Variants in RHBDD1 observed in about 807,000 individuals in gnomAD.
RHBDD1 encodes the protein rhomboid domain containing 1.
Under a neutral mutation model 36.3 loss-of-function variants are expected in RHBDD1, and 38 were observed. The observed-to-expected ratio is 1.05, with a 90% CI of 0.81 to 1.37. RHBDD1 has a LOEUF of 1.37. RHBDD1 is among the 40% of genes most tolerant of loss of function. The pLI is 0.00. For missense variants in RHBDD1, 393 were observed against 377.6 expected, an observed-to-expected ratio of 1.04 and a Z score of -0.34; for synonymous variants, 151 against 136.5, an observed-to-expected ratio of 1.11 and a Z score of -0.74.
intron 8 of RHBDD1, among the ~76,000 whole-genome samples, chr2:226,925,272 T>C (rs1008064401): frequency 6.6e-6 from 1 of 152,246 alleles, no homozygotes; most frequent in South Asian, 2.1e-4. Flanking sequence ...CCAATATTTG[T>C]TTTTAAGTTA....
intron 8 of RHBDD1, among the ~76,000 whole-genome samples, chr2:226,946,839 A>T (rs1028462286): frequency 5.9e-5 from 9 of 152,184 alleles, no homozygotes; most frequent in African/African-American, 1.9e-4. Context: ...TCTGAAATGT[A>T]TGTATCCAGC....
the RHBDD1 span, among the ~76,000 whole-genome samples, chr2:226,818,993 T>A: frequency 5.9e-5 from 9 of 152,324 alleles, 1 homozygote; most frequent in Middle Eastern, 6.8e-3. Flanking sequence ...CCAGATCATT[T>A]CCCTGACACC....
chr2:226,995,243 C>G (rs1005078992), intron 8 of RHBDD1, among the ~76,000 whole-genome samples, 188 bp from the exon 9 acceptor site: 1 of 152,186 alleles, frequency 6.6e-6, no homozygotes, highest in African/African-American at 2.4e-5. Flanking sequence ...CTGAACCACT[C>G]TAAAAATATT....
At chr2:226,920,458 A>G (rs975746014) in intron 8 of RHBDD1, among the ~76,000 whole-genome samples, 10 of 152,042 alleles carry the variant, frequency 6.6e-5, no homozygotes, top group Non-Finnish European at 1.5e-4. Flanking sequence ...CATCTTTGTT[A>G]TATTCCACAT....
At chr2:226,981,545 T>C (rs1955757109) in intron 8 of RHBDD1, among the ~76,000 whole-genome samples, 1 of 145,280 alleles carries the variant, frequency 6.9e-6, no homozygotes, top group South Asian at 2.2e-4. Flanking sequence ...CACACATCCA[T>C]GCACTCATCC....
chr2:226,838,404 G>A (rs1219842541), intron 2 of RHBDD1, among the ~76,000 whole-genome samples: 1 of 152,122 alleles, frequency 6.6e-6, no homozygotes, highest in Non-Finnish European at 1.5e-5. Context: ...CGCTATCTGT[G>A]GTTTTAGGTC....
chr2:226,905,824 A>G (rs193128838), intron 5 of RHBDD1, among the ~76,000 whole-genome samples: 90 of 152,274 alleles, frequency 5.9e-4, no homozygotes, highest in Non-Finnish European at 9.3e-4. Flanking sequence ...TATGAGAGGC[A>G]TTACAAACGG....
At chr2:226,836,355 G>T (rs1940958269) in intron 1 of RHBDD1, among the ~76,000 whole-genome samples, 1 of 152,236 alleles carries the variant, frequency 6.6e-6, no homozygotes, top group Non-Finnish European at 1.5e-5. Context: ...CGGACCGCAC[G>T]GGAACGACGT....
chr2:226,844,229 C>G (rs551846329), intron 3 of RHBDD1, among the ~76,000 whole-genome samples: 2 of 152,316 alleles, frequency 1.3e-5, no homozygotes, highest in Non-Finnish European at 2.9e-5. Context: ...ACTTTGGTCA[C>G]TATCACCTTG....
At position 226,840,314 on chromosome 2, in the gene RHBDD1, C is replaced by T. The variant is rs115820435; in HGVS notation, c.-91+687C>T. 2.6e-3 allele frequency among the ~76,000 whole-genome samples: 401 copies of T among 152,274 alleles called. 2 individuals are homozygous for T. Among genetic ancestry groups the T allele is most frequent in the African/African-American group, 8.6e-3 (357 of 41,568 alleles). On this transcript the variant is annotated intron_variant, in intron 3 of 8. Transcript: ENST00000392062. ...ATGGGCAAGAGACCTTTGGGATCTACGTGATGGCCAACTAACAATGTGTGC... is the reference window on the plus strand; with the variant it reads ...ATGGGCAAGAGACCTTTGGGATCTATGTGATGGCCAACTAACAATGTGTGC...
chr2:226,871,926 A>G (rs778701485), intron 5 of RHBDD1, among the ~76,000 whole-genome samples: 33 of 152,206 alleles, frequency 2.2e-4, no homozygotes, highest in Non-Finnish European at 3.8e-4. Flanking sequence ...AGCAAGTACT[A>G]TATGAGGTGA....
chr2:226,844,827 T>C (rs1438566675), intron 3 of RHBDD1, among the ~76,000 whole-genome samples: 1 of 152,208 alleles, frequency 6.6e-6, no homozygotes, highest in African/African-American at 2.4e-5. Flanking sequence ...AAATCATAAA[T>C]GGTGATGGGT....
intron 8 of RHBDD1, among the ~76,000 whole-genome samples, chr2:226,928,523 A>G (rs1949814455): frequency 6.6e-6 from 1 of 152,138 alleles, no homozygotes; most frequent in Non-Finnish European, 1.5e-5. Context: ...AGGAAACTTT[A>G]TAGGGCTAAA....
the RHBDD1 span, chr2:226,804,065 A>G: frequency 2.0e-5 from 3 of 152,220 alleles, no homozygotes; most frequent in African/African-American, 4.8e-5. Context: ...CTTTAGTATT[A>G]TATACATATA....
chr2:226,853,379 T>A (rs1259327544), intron 3 of RHBDD1, among the ~76,000 whole-genome samples: 2 of 152,206 alleles, frequency 1.3e-5, no homozygotes, highest in Admixed American at 1.3e-4. Context: ...TTATAGCCAT[T>A]TGAGGCATCT....
At chr2:226,956,226 C>T (rs1053855981) in intron 8 of RHBDD1, among the ~76,000 whole-genome samples, 8 of 152,128 alleles carry the variant, frequency 5.3e-5, no homozygotes, top group Non-Finnish European at 1.0e-4. Flanking sequence ...CTTGCTCCCA[C>T]GCCCCACTAA....
chr2:226,824,163 T>C, the RHBDD1 span, among the ~76,000 whole-genome samples: 1 of 152,256 alleles, frequency 6.6e-6, no homozygotes, highest in East Asian at 1.9e-4. Flanking sequence ...TTATATATAC[T>C]ATATATACAC....
the RHBDD1 span, among the ~76,000 whole-genome samples, chr2:226,826,823 T>C: frequency 6.6e-6 from 1 of 152,074 alleles, no homozygotes; most frequent in Non-Finnish European, 1.5e-5. Flanking sequence ...CCCAGCCTGA[T>C]AGATTCTTAA....
At chr2:226,905,023 T>G (rs564618567) in intron 5 of RHBDD1, among the ~76,000 whole-genome samples, 1 of 152,266 alleles carries the variant, frequency 6.6e-6, no homozygotes, top group Non-Finnish European at 1.5e-5. Flanking sequence ...CCTGGGTGTT[T>G]GGAATACATA....
Sources: gnomAD v4.1 joint callset for allele counts (sites outside exome capture counted in the v4.1 genomes callset) on GRCh38, gnomAD v4.1.1 for gene constraint, MANE v1.5 for transcripts, NCBI Gene and HGNC (gene_info 2026-07-23, HGNC 2026-07-21) for gene names.